The following PVT1 variants were observed in gnomAD, a reference collection of about 807,000 sequenced individuals.
The protein encoded by PVT1 is CXCR4/PVT1 fusion.
At chr8:127,974,959 G>T (rs1816806240) in intron 3 of PVT1, among the ~76,000 whole-genome samples, 1 of 151,928 alleles carries the variant, frequency 6.6e-6, no homozygotes, top group Non-Finnish European at 1.5e-5. Flanking sequence ...AACATTTGAT[G>T]TACCCTAAAT....
At position 128,000,302 on chromosome 8, in the gene PVT1, A is replaced by G. The variant is rs185950309; in HGVS notation, n.912+11011A>G. 2.2e-3 allele frequency among the ~76,000 whole-genome samples: 334 copies of G among 152,208 alleles called. 1 individual carries two copies. Among genetic ancestry groups the G allele is most frequent in the Non-Finnish European group, 3.6e-3 (243 of 68,014 alleles). The stretch of plus-strand genomic sequence containing the variant: ...TTCTCAGCCAGGCGTCCCAAACTCA[A>G]TTGTCTGCAGAGGCCAGGCAGGCAA... On this transcript the variant is annotated intron_variant and non_coding_transcript_variant, in intron 4 of 10. Transcript: ENST00000651587.
intron 2 of PVT1, among the ~76,000 whole-genome samples, chr8:127,819,344 TCTGA>T (rs1202643321): frequency 4.6e-5 from 7 of 152,338 alleles, no homozygotes; most frequent in African/African-American, 1.7e-4. Context: ...TGTAGATAGC[TCTGA>T]CTGTCACCAG....
intron 4 of PVT1, among the ~76,000 whole-genome samples, chr8:128,025,264 G>A (rs967751674): frequency 2.6e-5 from 4 of 152,130 alleles, no homozygotes; most frequent in African/African-American, 7.2e-5. Context: ...GGGTGTTCGG[G>A]GCCTCGGGGG....
intron 3 of PVT1, among the ~76,000 whole-genome samples, chr8:127,941,159 G>T (rs1485361540): frequency 2.0e-5 from 3 of 152,186 alleles, no homozygotes; most frequent in Non-Finnish European, 4.4e-5. Context: ...GTCCAGCAAT[G>T]GTGGGTCCAG....
chr8:127,811,578 T>C (rs2129660769), intron 2 of PVT1, among the ~76,000 whole-genome samples: 1 of 152,356 alleles, frequency 6.6e-6, no homozygotes, highest in Middle Eastern at 3.4e-3. Flanking sequence ...CAGAACTGTT[T>C]GTATGTAATG....
At chr8:127,935,048 C>T (rs1816255716) in intron 3 of PVT1, among the ~76,000 whole-genome samples, 1 of 152,070 alleles carries the variant, frequency 6.6e-6, no homozygotes, top group Non-Finnish European at 1.5e-5. Flanking sequence ...CTCACAGCAA[C>T]CTCTGCCTCC....
rs538215401 is a variant in PVT1, at chr8:128,021,515, G to A, written n.912+32224G>A. 2.2e-3 allele frequency among the ~76,000 whole-genome samples: 342 copies of A among 152,038 alleles called. 1 individual carries two copies. The highest frequency in any genetic ancestry group is 7.8e-3 in the African/African-American group (323 of 41,480). The stretch of plus-strand genomic sequence containing the variant: ...TCACCATGTTAGCCAGGATGGTCTT[G>A]ATCTCCTGACTTCGTGATCCGCCCT... On this transcript the variant is annotated intron_variant and non_coding_transcript_variant, in intron 4 of 10. Transcript: ENST00000651587.
intron 3 of PVT1, among the ~76,000 whole-genome samples, chr8:127,984,890 TTTCTTTC>T (rs1355841695): frequency 9.7e-6 from 1 of 103,456 alleles, no homozygotes; most frequent in African/African-American, 3.4e-5. Flanking sequence ...TCTTTCTTTC[TTTCTTTC>T]TTTCTTTCTT....
chr8:127,797,795 G>T (rs1158175294), intron 2 of PVT1, among the ~76,000 whole-genome samples: 1 of 152,104 alleles, frequency 6.6e-6, no homozygotes, highest in African/African-American at 2.4e-5. Flanking sequence ...GGCAGGGTTG[G>T]TTCTAACACT....
chr8:127,901,899 G>A (rs992440141), intron 3 of PVT1, among the ~76,000 whole-genome samples: 1 of 136,702 alleles, frequency 7.3e-6, no homozygotes, highest in African/African-American at 2.9e-5. Context: ...ACTGCACCTG[G>A]CCAAGGGTAC....
At chr8:128,074,447 C>T (rs891065693) in intron 5 of PVT1, among the ~76,000 whole-genome samples, 6 of 148,890 alleles carry the variant, frequency 4.0e-5, no homozygotes, top group African/African-American at 9.9e-5. Flanking sequence ...TGCTTGAAGC[C>T]GGGAGGCGGA....
At chr8:127,870,854 G>A (rs1313996331) in intron 2 of PVT1, among the ~76,000 whole-genome samples, 1 of 152,240 alleles carries the variant, frequency 6.6e-6, no homozygotes, top group African/African-American at 2.4e-5. Context: ...GCCTGAAAAT[G>A]TGAGCCCTTA....
chr8:128,044,225 T>TC (rs1252226663), intron 4 of PVT1, among the ~76,000 whole-genome samples: 1 of 150,896 alleles, frequency 6.6e-6, no homozygotes, highest in East Asian at 1.9e-4. Flanking sequence ...ATCTCCCCTT[T>TC]TTTTTTCTAT....
At chr8:127,933,613 G>T (rs1054504844) in intron 3 of PVT1, among the ~76,000 whole-genome samples, 2 of 152,192 alleles carry the variant, frequency 1.3e-5, no homozygotes, top group Admixed American at 6.5e-5. Context: ...ATGCCCTTAT[G>T]CTGGAAGGGG....
chr8:127,944,585 T>C (rs1816397184), intron 3 of PVT1, among the ~76,000 whole-genome samples: 1 of 151,678 alleles, frequency 6.6e-6, no homozygotes, highest in Non-Finnish European at 1.5e-5. Context: ...TGACCCAAGT[T>C]CCATTATGGA....
intron 3 of PVT1, among the ~76,000 whole-genome samples, chr8:127,907,172 TTGGCCAGG>T (rs1314768392): frequency 1.3e-5 from 2 of 152,080 alleles, no homozygotes; most frequent in Non-Finnish European, 2.9e-5. Flanking sequence ...TTTCACCATG[TTGGCCAGG>T]CTAGTCTTGA....
intron 3 of PVT1, among the ~76,000 whole-genome samples, chr8:127,984,841 CTTT>C (rs1816927101): frequency 6.1e-5 from 1 of 16,526 alleles, no homozygotes; most frequent in African/African-American, 2.6e-4. Flanking sequence ...CTTTTCTTTT[CTTT>C]CTTTCTTTCT....
intron 3 of PVT1, among the ~76,000 whole-genome samples, chr8:127,982,406 C>T (rs556889127): frequency 3.9e-5 from 6 of 152,156 alleles, no homozygotes; most frequent in Admixed American, 6.5e-5. Flanking sequence ...TAGTGAGCAA[C>T]AGCTGTGTGC....
chr8:128,003,348 CCTCCTT>C (rs567721331), intron 4 of PVT1, among the ~76,000 whole-genome samples: 1 of 150,420 alleles, frequency 6.6e-6, no homozygotes, highest in African/African-American at 2.5e-5. Flanking sequence ...CCTCCCTTCT[CCTCCTT>C]CTCCTTCTCC....
Sources: gnomAD v4.1 joint callset for allele counts (sites outside exome capture counted in the v4.1 genomes callset) on GRCh38, gnomAD v4.1.1 for gene constraint, MANE v1.5 for transcripts, NCBI Gene and HGNC (gene_info 2026-07-23, HGNC 2026-07-21) for gene names.